The following GLT1D1 variants were observed in gnomAD, a reference collection of about 807,000 sequenced individuals.
The protein encoded by GLT1D1 is glycosyltransferase 1 domain containing 1, also known as glycosyltransferase 1 domain-containing protein 1.
GLT1D1 carries 21 observed loss-of-function variants against 28.7 expected under a neutral mutation model. That is an observed-to-expected ratio of 0.73 (90% CI 0.52 to 1.05). The LOEUF is 1.05. GLT1D1 is among the 50% of genes least tolerant of loss of function. The pLI, the probability that GLT1D1 is intolerant of heterozygous loss-of-function variation, is 0.00. For synonymous variants in GLT1D1, 147 were observed against 124.8 expected, an observed-to-expected ratio of 1.18 and a Z score of -1.19; for missense variants, 343 against 330.6, an observed-to-expected ratio of 1.04 and a Z score of -0.29.
intron 7 of GLT1D1, among the ~76,000 whole-genome samples, chr12:128,969,428 C>T (rs1223449861): frequency 6.6e-6 from 1 of 152,014 alleles, no homozygotes; most frequent in Non-Finnish European, 1.5e-5. Context: ...GTGTAGATGC[C>T]CCTGGATGCA....
chr12:128,862,353 AAGAT>A (rs1272076185), intron 1 of GLT1D1, among the ~76,000 whole-genome samples: 1 of 150,464 alleles, frequency 6.6e-6, no homozygotes, highest in Non-Finnish European at 1.5e-5. Context: ...AAAAACCACA[AAGAT>A]AGCCATTGAA....
chr12:128,931,944 G>A (rs925553510), intron 4 of GLT1D1, among the ~76,000 whole-genome samples: 1 of 122,678 alleles, frequency 8.2e-6, no homozygotes, highest in Admixed American at 7.6e-5. Context: ...CACACACAAC[G>A]TTGGCCTTGT....
intron 4 of GLT1D1, among the ~76,000 whole-genome samples, chr12:128,937,812 A>G (rs1358521911): frequency 6.6e-6 from 1 of 152,050 alleles, no homozygotes; most frequent in Non-Finnish European, 1.5e-5. Context: ...GTGAAGAAAG[A>G]CGTGTTTGCT....
At chr12:128,950,175 T>C (rs1250156772) in intron 6 of GLT1D1, among the ~76,000 whole-genome samples, 1 of 152,210 alleles carries the variant, frequency 6.6e-6, no homozygotes, top group African/African-American at 2.4e-5. Flanking sequence ...TACTGGCATG[T>C]ATTTGGGATG....
chr12:128,895,030 A>G (rs1869469102), intron 3 of GLT1D1, among the ~76,000 whole-genome samples: 1 of 151,962 alleles, frequency 6.6e-6, no homozygotes, highest in African/African-American at 2.4e-5. Context: ...TTCTTTTGAC[A>G]TGCTCTCATC....
intron 6 of GLT1D1, among the ~76,000 whole-genome samples, chr12:128,954,206 C>T (rs1366879524): frequency 1.3e-5 from 2 of 151,858 alleles, no homozygotes; most frequent in Non-Finnish European, 1.5e-5. Flanking sequence ...TCACTGCAAG[C>T]TCCACCTCCC....
intron 7 of GLT1D1, among the ~76,000 whole-genome samples, chr12:128,958,349 A>T (rs766240627): frequency 6.6e-6 from 1 of 152,142 alleles, no homozygotes; most frequent in Non-Finnish European, 1.5e-5. Flanking sequence ...TGCCTCTTAG[A>T]GTTGTGACAT....
intron 3 of GLT1D1, among the ~76,000 whole-genome samples, chr12:128,894,217 T>G (rs951250211): frequency 6.6e-6 from 1 of 152,122 alleles, no homozygotes; most frequent in Admixed American, 6.6e-5. Flanking sequence ...TCCGTCCGTC[T>G]TTCCTTACTT....
chr12:128,917,372 T>C (rs1872206998), intron 4 of GLT1D1, among the ~76,000 whole-genome samples: 1 of 152,210 alleles, frequency 6.6e-6, no homozygotes, highest in South Asian at 2.1e-4. Flanking sequence ...ACCTCCTGGC[T>C]TCAAGCGATT....
intron 4 of GLT1D1, among the ~76,000 whole-genome samples, chr12:128,918,224 C>G (rs572449348): frequency 2.0e-5 from 3 of 152,112 alleles, no homozygotes; most frequent in Non-Finnish European, 2.9e-5. Flanking sequence ...AACCAAACAC[C>G]GCATGTTCTC....
At chr12:128,927,624 G>T (rs1873364848) in intron 4 of GLT1D1, among the ~76,000 whole-genome samples, 1 of 152,086 alleles carries the variant, frequency 6.6e-6, no homozygotes, top group Non-Finnish European at 1.5e-5. Flanking sequence ...CTAGACCAAG[G>T]TTAAAGATCA....
intron 7 of GLT1D1, among the ~76,000 whole-genome samples, chr12:128,970,184 C>T (rs573339232): frequency 6.6e-6 from 1 of 152,276 alleles, no homozygotes; most frequent in African/African-American, 2.4e-5. Flanking sequence ...TGGAGGACCC[C>T]GGTGGGCTGC....
At chr12:128,911,275 C>G (rs753859355) in intron 4 of GLT1D1, among the ~76,000 whole-genome samples, 2 of 152,222 alleles carry the variant, frequency 1.3e-5, no homozygotes, top group Non-Finnish European at 2.9e-5. Flanking sequence ...CAAACCTTCC[C>G]AGGCTTGGGG....
chr12:128,869,351 G>T (rs1437517567), intron 1 of GLT1D1, among the ~76,000 whole-genome samples: 1 of 152,036 alleles, frequency 6.6e-6, no homozygotes, highest in African/African-American at 2.4e-5. Flanking sequence ...TGTATTTTTT[G>T]TGGAGACAGG....
intron 4 of GLT1D1, among the ~76,000 whole-genome samples, chr12:128,938,537 C>A: frequency 6.6e-6 from 1 of 152,192 alleles, no homozygotes; most frequent in Non-Finnish European, 1.5e-5. Flanking sequence ...TTAATACACA[C>A]GTGAAACATC....
chr12:128,895,708 C>A (rs372575119), intron 3 of GLT1D1, among the ~76,000 whole-genome samples: 2 of 152,078 alleles, frequency 1.3e-5, no homozygotes, highest in East Asian at 1.9e-4. Context: ...ATCCTCCCCC[C>A]TCGGCCTCCC....
intron 4 of GLT1D1, among the ~76,000 whole-genome samples, chr12:128,917,370 G>C (rs745436007): frequency 6.6e-6 from 1 of 152,092 alleles, no homozygotes; most frequent in Admixed American, 6.6e-5. Context: ...CCACCTCCTG[G>C]CTTCAAGCGA....
intron 2 of GLT1D1, among the ~76,000 whole-genome samples, chr12:128,881,546 A>AGT: frequency 1.3e-5 from 1 of 77,902 alleles, no homozygotes; most frequent in Admixed American, 1.8e-4. Flanking sequence ...AAAAAAAAAA[A>AGT]AAAAAAAAAA....
At chr12:128,895,459 T>C (rs1262435391) in intron 3 of GLT1D1, among the ~76,000 whole-genome samples, 1 of 87,490 alleles carries the variant, frequency 1.1e-5, no homozygotes, top group Non-Finnish European at 2.9e-5. Flanking sequence ...ACAGAAGCTA[T>C]TTTTTTTTTT....
Sources: allele counts gnomAD v4.1 joint callset (sites outside exome capture counted in the v4.1 genomes callset), GRCh38; gene constraint gnomAD v4.1.1; transcripts MANE v1.5; gene names NCBI Gene and HGNC (gene_info 2026-07-23, HGNC 2026-07-21).